ABAT: variants seen among roughly 807,000 people sequenced by gnomAD.
ABAT encodes 4-aminobutyrate aminotransferase.
Under a neutral mutation model 64.6 loss-of-function variants are expected in ABAT, and 45 were observed. That is an observed-to-expected ratio of 0.70 (90% CI 0.55 to 0.89). ABAT has a LOEUF of 0.89. ABAT is among the 40% of genes least tolerant of loss of function. The pLI is 0.00. For synonymous variants in ABAT, 297 were observed against 250.5 expected (o/e 1.19, Z -1.75); for missense variants, 633 against 658.4 (o/e 0.96, Z 0.42).
intron 1 of ABAT, among the ~76,000 whole-genome samples, chr16:8,719,808 G>T (rs1287923957): frequency 1.3e-5 from 2 of 152,140 alleles, no homozygotes; most frequent in African/African-American, 2.4e-5. Context: ...CACAATTTTT[G>T]TTTACTCGTT....
In ABAT at chr16:8,765,440, G is replaced by A. The variant is rs142321249; in HGVS notation, c.540+610G>A. Among the ~76,000 whole-genome samples the A allele has an allele frequency of 4.2e-3, 641 of 152,158 alleles. 2 individuals are homozygous for A. Among genetic ancestry groups the A allele is most frequent in the East Asian group, 0.021 (107 of 5,172 alleles). On this transcript the variant is annotated intron_variant, in intron 8 of 15. Coordinates refer to ENST00000268251, the MANE Select transcript of ABAT (RefSeq NM_020686.6). Reference sequence around the variant, plus strand: ...GCACTTCGGGAGGCTGAGGCAGGCAGATCACTTGAGTCCAAGAGTTCAAGA... The same window carrying A: ...GCACTTCGGGAGGCTGAGGCAGGCAAATCACTTGAGTCCAAGAGTTCAAGA...
intron 4 of ABAT, among the ~76,000 whole-genome samples, chr16:8,749,925 C>G (rs1039324682): frequency 6.6e-6 from 1 of 151,672 alleles, no homozygotes; most frequent in African/African-American, 2.4e-5. Flanking sequence ...ATGTTGCCCA[C>G]GCTGGTCTTG....
intron 9 of ABAT, among the ~76,000 whole-genome samples, chr16:8,766,875 A>C (rs1251797089): frequency 6.6e-6 from 1 of 151,996 alleles, no homozygotes; most frequent in Non-Finnish European, 1.5e-5. Context: ...AGGCTGAGGC[A>C]GGAGAATCGC....
At chr16:8,727,506 A>G (rs2058594217) in intron 1 of ABAT, among the ~76,000 whole-genome samples, 1 of 152,192 alleles carries the variant, frequency 6.6e-6, no homozygotes, top group Non-Finnish European at 1.5e-5. Flanking sequence ...CCAGCCAGAA[A>G]GAATCTCCCC....
chr16:8,680,980 A>ATT (rs1419634061), intron 1 of ABAT, among the ~76,000 whole-genome samples: 2 of 99,632 alleles, frequency 2.0e-5, no homozygotes. Context: ...CTTTTTATTT[A>ATT]TCTATTTTTT....
At chr16:8,754,662 ATTTATTTATTTCTTTCTTTCTTTC>A (rs60294053) in intron 5 of ABAT, among the ~76,000 whole-genome samples, 58,730 of 145,850 alleles carry the variant, frequency 0.4, 13,654 homozygotes, top group Admixed American at 0.5. Flanking sequence ...CAGCAAGTTG[ATTTATTTATTTCTTTCTTTCTTTC>A]TTTCTTTCTT....
chr16:8,679,693 G>A (rs1013201872), intron 1 of ABAT, among the ~76,000 whole-genome samples: 1 of 151,906 alleles, frequency 6.6e-6, no homozygotes, highest in Non-Finnish European at 1.5e-5. Flanking sequence ...CCTGCTCCTT[G>A]CCAGGATGCA....
At chr16:8,755,054 G>C (rs547318550) in intron 5 of ABAT, among the ~76,000 whole-genome samples, 8 of 152,048 alleles carry the variant, frequency 5.3e-5, no homozygotes, top group Non-Finnish European at 8.8e-5. Flanking sequence ...TACTCTTTGG[G>C]GCACAGTTTC....
At chr16:8,678,060 C>CA (rs913555627) in intron 1 of ABAT, among the ~76,000 whole-genome samples, 133 of 147,964 alleles carry the variant, frequency 9.0e-4, no homozygotes, top group Middle Eastern at 3.4e-3. Flanking sequence ...ACACTGTCTC[C>CA]AAAAAAAAAC....
intron 1 of ABAT, among the ~76,000 whole-genome samples, chr16:8,726,057 C>A (rs1216683166): frequency 6.6e-6 from 1 of 151,986 alleles, no homozygotes; most frequent in African/African-American, 2.4e-5. Context: ...TACCCATTAA[C>A]TATCCACCTC....
intron 1 of ABAT, among the ~76,000 whole-genome samples, chr16:8,728,447 C>G (rs2058621902): frequency 6.6e-6 from 1 of 152,152 alleles, no homozygotes; most frequent in South Asian, 2.1e-4. Flanking sequence ...CCTCAGTGCT[C>G]CCTGTTTCAG....
chr16:8,723,527 G>C (rs77695164), intron 1 of ABAT, among the ~76,000 whole-genome samples: 1 of 152,214 alleles, frequency 6.6e-6, no homozygotes, highest in Non-Finnish European at 1.5e-5. Context: ...GAAATCTCCA[G>C]GGATCTCAGA....
intron 2 of ABAT, among the ~76,000 whole-genome samples, chr16:8,743,007 T>TAACAAA (rs2059208552): frequency 8.0e-6 from 1 of 124,250 alleles, no homozygotes; most frequent in African/African-American, 3.0e-5. Flanking sequence ...CTCATTTCTT[T>TAACAAA]AAAAAAAAAA....
At chr16:8,686,579 G>A (rs1386392036) in intron 1 of ABAT, among the ~76,000 whole-genome samples, 1 of 152,178 alleles carries the variant, frequency 6.6e-6, no homozygotes. Flanking sequence ...TATGAGGAAA[G>A]GCTGATCAGA....
At chr16:8,728,553 T>C (rs966860323) in intron 1 of ABAT, among the ~76,000 whole-genome samples, 27 of 89,220 alleles carry the variant, frequency 3.0e-4, no homozygotes, top group Admixed American at 3.9e-4. Context: ...TATCCTGGAA[T>C]AGAAAAAAAA....
chr16:8,723,387 T>A (rs1385722616), intron 1 of ABAT, among the ~76,000 whole-genome samples: 1 of 152,152 alleles, frequency 6.6e-6, no homozygotes, highest in Non-Finnish European at 1.5e-5. Context: ...CCTTCTATCA[T>A]CATTGGTGCT....
At chr16:8,718,227 A>C (rs1016453077) in intron 1 of ABAT, among the ~76,000 whole-genome samples, 4 of 152,242 alleles carry the variant, frequency 2.6e-5, no homozygotes, top group Non-Finnish European at 5.9e-5. Context: ...GTGTGCGCTT[A>C]ATCCCTGCAT....
chr16:8,683,541 ACCCTGTTTCT>A (rs2057381979), intron 1 of ABAT: 1 of 123,522 alleles, frequency 8.1e-6, no homozygotes, highest in Non-Finnish European at 1.7e-5. Flanking sequence ...ACATAGTGGA[ACCCTGTTTCT>A]AAAAAAAAAA....
rs2057578799 is a variant in ABAT at position 8,691,436 on chromosome 16, C to A, written c.-42+16725C>A. 3.3e-5 allele frequency among the ~76,000 whole-genome samples: 5 copies of A among 152,040 alleles called. No individual in the cohort carries two copies. The South Asian group carries it at 1.0e-3, about 32-fold the overall frequency. ...GGTTCTCTGCTGCAACTGTGCTCCCCAGGGAACTTTTTTTTTTTTCCAAGA... is the reference window on the plus strand; with the variant it reads ...GGTTCTCTGCTGCAACTGTGCTCCCAAGGGAACTTTTTTTTTTTTCCAAGA... On this transcript the variant is annotated intron_variant, in intron 1 of 15. Coordinates refer to ENST00000268251, the MANE Select transcript of ABAT (RefSeq NM_020686.6).
Sources: allele counts gnomAD v4.1 joint callset (sites outside exome capture counted in the v4.1 genomes callset), GRCh38; gene constraint gnomAD v4.1.1; transcripts MANE v1.5; gene names NCBI Gene and HGNC (gene_info 2026-07-23, HGNC 2026-07-21).